The following ADAMTSL1 variants were observed in gnomAD, a reference collection of about 807,000 sequenced individuals.
ADAMTSL1 encodes ADAMTS-like protein 1.
A neutral mutation model predicts 201.8 loss-of-function variants in ADAMTSL1; 126 were observed. The observed-to-expected ratio is 0.62, with a 90% CI of 0.54 to 0.72. The LOEUF (loss-of-function observed/expected upper bound fraction) is 0.72. ADAMTSL1 is among the 30% of genes least tolerant of loss of function. The pLI is 0.00. For missense variants in ADAMTSL1, 2,679 were observed against 2,277.8 expected, an observed-to-expected ratio of 1.18 and a Z score of -3.59; for synonymous variants, 1,121 against 903.4, an observed-to-expected ratio of 1.24 and a Z score of -4.32.
At chr9:17,934,509 G>C (rs1224510223) in intron 1 of ADAMTSL1, among the ~76,000 whole-genome samples, 2 of 152,008 alleles carry the variant, frequency 1.3e-5, no homozygotes, top group East Asian at 3.9e-4. Context: ...CAGATAAATG[G>C]CTTGATTTTG....
chr9:18,294,207 A>G (rs1320013643), intron 2 of ADAMTSL1, among the ~76,000 whole-genome samples: 1 of 152,210 alleles, frequency 6.6e-6, no homozygotes, highest in African/African-American at 2.4e-5. Context: ...TGGTTTTCTT[A>G]AAGTTCAAAA....
intron 2 of ADAMTSL1, among the ~76,000 whole-genome samples, chr9:18,317,063 C>G (rs915521523): frequency 3.3e-5 from 5 of 152,106 alleles, no homozygotes; most frequent in Non-Finnish European, 5.9e-5. Flanking sequence ...AGAAGACAAT[C>G]TTGTCATTTG....
At chr9:17,908,483 T>C (rs1447599726) in intron 1 of ADAMTSL1, among the ~76,000 whole-genome samples, 1 of 150,710 alleles carries the variant, frequency 6.6e-6, no homozygotes, top group Non-Finnish European at 1.5e-5. Context: ...TGAAACGGAG[T>C]TTCACTCTCG....
chr9:18,356,604 AACACACACACACAC>A (rs67090987), intron 2 of ADAMTSL1, among the ~76,000 whole-genome samples: 21 of 143,554 alleles, frequency 1.5e-4, no homozygotes, highest in African/African-American at 3.1e-4. Context: ...TACACAATAA[AACACACACACACAC>A]ACACACACAC....
intron 2 of ADAMTSL1, among the ~76,000 whole-genome samples, chr9:18,399,597 C>G (rs1347736912): frequency 2.0e-5 from 3 of 151,574 alleles, no homozygotes; most frequent in African/African-American, 7.3e-5. Context: ...GTGATCTACC[C>G]GCCTCGGCCT....
At chr9:18,089,737 G>T (rs564267668) in intron 1 of ADAMTSL1, among the ~76,000 whole-genome samples, 1 of 152,164 alleles carries the variant, frequency 6.6e-6, no homozygotes, top group Non-Finnish European at 1.5e-5. Context: ...GTATAATGGT[G>T]GTTGTCAGGG....
At chr9:18,565,653 C>G (rs1424120950) in intron 3 of ADAMTSL1, among the ~76,000 whole-genome samples, 3 of 151,580 alleles carry the variant, frequency 2.0e-5, no homozygotes, top group Non-Finnish European at 2.9e-5. Flanking sequence ...ATGGCACCAT[C>G]CTCCAAAACT....
intron 2 of ADAMTSL1, among the ~76,000 whole-genome samples, chr9:18,252,778 C>G (rs554288712): frequency 3.2e-4 from 48 of 152,300 alleles, no homozygotes; most frequent in Admixed American, 2.7e-3. Context: ...AAATGAGCAT[C>G]TTAAATGTTG....
intron 7 of ADAMTSL1, among the ~76,000 whole-genome samples, chr9:18,652,166 G>T (rs1467757135): frequency 6.6e-6 from 1 of 151,970 alleles, no homozygotes; most frequent in Non-Finnish European, 1.5e-5. Context: ...GAAGTCAGGA[G>T]TTCAAGACCA....
chr9:18,327,146 T>C (rs1348551757), intron 2 of ADAMTSL1, among the ~76,000 whole-genome samples: 1 of 152,242 alleles, frequency 6.6e-6, no homozygotes, highest in Non-Finnish European at 1.5e-5. Flanking sequence ...TTTAGTTATA[T>C]GCAGCTTCTT....
intron 1 of ADAMTSL1, among the ~76,000 whole-genome samples, chr9:18,073,439 G>C (rs1174093450): frequency 6.6e-6 from 1 of 152,086 alleles, no homozygotes; most frequent in Non-Finnish European, 1.5e-5. Context: ...TCTAAAGGGG[G>C]CACAAGTATT....
intron 2 of ADAMTSL1, among the ~76,000 whole-genome samples, chr9:18,198,044 T>C (rs1829264711): frequency 6.6e-6 from 1 of 152,194 alleles, no homozygotes; most frequent in African/African-American, 2.4e-5. Context: ...CTGGGAAAAC[T>C]GGCTAGCCAT....
At chr9:18,732,373 A>T (rs542080644) in intron 15 of ADAMTSL1, among the ~76,000 whole-genome samples, 2 of 152,164 alleles carry the variant, frequency 1.3e-5, no homozygotes, top group Non-Finnish European at 2.9e-5. Context: ...TGGGGTCCTG[A>T]AAAAGGAGTA....
intron 2 of ADAMTSL1, among the ~76,000 whole-genome samples, chr9:18,185,319 G>T (rs1484253453): frequency 6.6e-6 from 1 of 152,110 alleles, no homozygotes; most frequent in Non-Finnish European, 1.5e-5. Flanking sequence ...GCTACCATGA[G>T]TTTTACAGCC....
chr9:18,615,262 G>A (rs927700496), intron 4 of ADAMTSL1, among the ~76,000 whole-genome samples: 1 of 152,170 alleles, frequency 6.6e-6, no homozygotes, highest in Non-Finnish European at 1.5e-5. Flanking sequence ...GTGTAAAAGA[G>A]GGAATTTTGG....
chr9:18,230,032 CT>C (rs1305947160), intron 2 of ADAMTSL1, among the ~76,000 whole-genome samples: 2 of 152,128 alleles, frequency 1.3e-5, no homozygotes, highest in African/African-American at 2.4e-5. Context: ...ATTCCAGGTA[CT>C]TTATTCCCAG....
At chr9:18,863,677 CCTT>C (rs1423471352) in intron 23 of ADAMTSL1, among the ~76,000 whole-genome samples, 1 of 152,172 alleles carries the variant, frequency 6.6e-6, no homozygotes, top group Non-Finnish European at 1.5e-5. Flanking sequence ...AGCTCCCACT[CCTT>C]CTAAGCTCTT....
rs1383837318 is a variant in ADAMTSL1 at position 18,343,640 on chromosome 9, C to T, written c.208-161189C>T. ...CTCTCATGTCTATGCCACAAGTAAA[C>T]GGTTTGGATAAAGAATGAGGAGATG... On this transcript the variant is annotated intron_variant, in intron 2 of 29. Coordinates refer to the ADAMTSL1 transcript ENST00000680146. Among the ~76,000 whole-genome samples, 7 of 152,190 alleles carry T rather than the reference C, an allele frequency of 4.6e-5. No individual in the cohort carries two copies. In the South Asian group the frequency reaches 1.0e-3, roughly 23 times the overall value.
chr9:18,621,983 C>T (rs1411468826), intron 4 of ADAMTSL1, among the ~76,000 whole-genome samples: 1 of 152,182 alleles, frequency 6.6e-6, no homozygotes, highest in East Asian at 1.9e-4. Context: ...ATTCCCTACC[C>T]TGCTCCCTAT....
Sources: allele counts gnomAD v4.1 joint callset (sites outside exome capture counted in the v4.1 genomes callset), GRCh38; gene constraint gnomAD v4.1.1; transcripts MANE v1.5; gene names NCBI Gene and HGNC (gene_info 2026-07-23, HGNC 2026-07-21).